Variants in STK33 observed in about 807,000 individuals in gnomAD.
The protein encoded by STK33 is serine/threonine kinase 33.
Under a neutral mutation model 58.0 loss-of-function variants are expected in STK33, and 52 were observed. That is an observed-to-expected ratio of 0.90 (90% CI 0.72 to 1.13). The LOEUF is 1.13. Ranked by LOEUF, STK33 falls within the 50% of genes most tolerant of loss-of-function variation. STK33 has a pLI of 0.00. For synonymous variants in STK33, 215 were observed against 200.1 expected, an observed-to-expected ratio of 1.07 and a Z score of -0.63; for missense variants, 630 against 604.2, an observed-to-expected ratio of 1.04 and a Z score of -0.45.
At chr11:8,389,699 T>C (rs1382364238), downstream of STK33, among the ~76,000 whole-genome samples, 2 of 152,208 alleles carry the variant, frequency 1.3e-5, no homozygotes, top group Non-Finnish European at 2.9e-5. Context: ...ACCTGGAACT[T>C]ACATTTTGGA....
At chr11:8,380,396 C>T in the STK33 span, among the ~76,000 whole-genome samples, 9,037 of 152,058 alleles carry the variant, frequency 0.059, 456 homozygotes, top group East Asian at 0.26. Context: ...CTCGTCTCTA[C>T]TAAAAATACA....
chr11:8,379,069 G>T, the STK33 span, among the ~76,000 whole-genome samples: 1 of 152,104 alleles, frequency 6.6e-6, no homozygotes, highest in Non-Finnish European at 1.5e-5. Context: ...AATAAATAGT[G>T]CTGGGAAAAC....
intron 1 of STK33, among the ~76,000 whole-genome samples, chr11:8,553,474 C>T (rs564491286): frequency 1.3e-5 from 2 of 151,770 alleles, no homozygotes; most frequent in African/African-American, 4.8e-5. Context: ...TTCTTTAGCT[C>T]CATTATAATC....
the STK33 span, among the ~76,000 whole-genome samples, chr11:8,351,997 A>G: frequency 6.6e-6 from 1 of 152,188 alleles, no homozygotes; most frequent in African/African-American, 2.4e-5. Context: ...GAGAAATACC[A>G]GCAGGGCCTG....
Position 8,474,833 on chromosome 11 carries a change from G to A in STK33, c.73C>T (p.Leu25Phe). 1.2e-6 allele frequency: 2 copies of A among 1,611,454 alleles called. No individual in the cohort carries two copies. Among genetic ancestry groups the A allele is most frequent in the Non-Finnish European group, 1.7e-6 (2 of 1,179,140 alleles). The change falls in exon 5 of 16, where the codon CTT becomes TTT. Residue 25 changes from leucine (L) to phenylalanine (F), a missense_variant. Leu to Phe is a conservative substitution (Grantham distance 22, BLOSUM62 0). Transcript: ENST00000687296. ...CTTGTTTTGCTGGAACATACACAAAGTACATCTTTCTGAGAAGCAGATGAA... is the reference window on the plus strand; with the variant it reads ...CTTGTTTTGCTGGAACATACACAAAATACATCTTTCTGAGAAGCAGATGAA... ...DCSSASQKDVLCVCSSKTRVP... is the reference protein window; with the variant it reads ...DCSSASQKDVFCVCSSKTRVP...
chr11:8,386,359 C>A, the STK33 span, among the ~76,000 whole-genome samples: 1 of 152,220 alleles, frequency 6.6e-6, no homozygotes, highest in African/African-American at 2.4e-5. Context: ...TGACTAATTT[C>A]TGTGCTGATG....
intron 1 of STK33, among the ~76,000 whole-genome samples, chr11:8,546,586 A>C: frequency 6.7e-6 from 1 of 148,750 alleles, no homozygotes; most frequent in African/African-American, 2.5e-5. Flanking sequence ...ACCTCTCTTC[A>C]TCCCCCCCAC....
chr11:8,501,520 AC>A (rs1231331090), intron 1 of STK33, among the ~76,000 whole-genome samples: 1 of 152,188 alleles, frequency 6.6e-6, no homozygotes, highest in Non-Finnish European at 1.5e-5. Flanking sequence ...ATAGTAAAAA[AC>A]AAATAAAATA....
intron 1 of STK33, among the ~76,000 whole-genome samples, chr11:8,550,249 T>G (rs1247208061): frequency 6.6e-6 from 1 of 152,186 alleles, no homozygotes; most frequent in Non-Finnish European, 1.5e-5. Context: ...AATATGTAAT[T>G]AATAGCAATA....
At chr11:8,574,704 T>C (rs573321338) in intron 1 of STK33, among the ~76,000 whole-genome samples, 2 of 151,958 alleles carry the variant, frequency 1.3e-5, no homozygotes, top group South Asian at 4.2e-4. Context: ...GAAGCAAAAA[T>C]TCTTAAGAAA....
At chr11:8,491,464 T>C (rs941348812) in intron 1 of STK33, among the ~76,000 whole-genome samples, 4 of 152,086 alleles carry the variant, frequency 2.6e-5, no homozygotes, top group East Asian at 1.9e-4. Flanking sequence ...AAATCTACGT[T>C]TGATTGGTGA....
intron 1 of STK33, among the ~76,000 whole-genome samples, chr11:8,511,824 C>A (rs1952350178): frequency 6.6e-6 from 1 of 152,006 alleles, no homozygotes; most frequent in Admixed American, 6.6e-5. Flanking sequence ...AGTATGAAAC[C>A]CACTTGATCT....
At chr11:8,424,035 T>C (rs1288097999) in intron 14 of STK33, among the ~76,000 whole-genome samples, 1 of 151,872 alleles carries the variant, frequency 6.6e-6, no homozygotes, top group African/African-American at 2.4e-5. Context: ...ATGTGCACAT[T>C]GTGCAGGTTT....
chr11:8,581,459 T>A (rs908483690), intron 1 of STK33, among the ~76,000 whole-genome samples: 1 of 152,026 alleles, frequency 6.6e-6, no homozygotes, highest in Non-Finnish European at 1.5e-5. Context: ...TAAGCCTGAG[T>A]GAGAGAGTCA....
At chr11:8,351,959 G>C in the STK33 span, among the ~76,000 whole-genome samples, 4 of 152,350 alleles carry the variant, frequency 2.6e-5, no homozygotes, top group African/African-American at 9.6e-5. Flanking sequence ...CTCACGGTCG[G>C]AGGACTGAGA....
At position 8,480,453 on chromosome 11, in the gene STK33, G is replaced by GACCAA. The variant is rs1280064003; in HGVS notation, c.-309_-305dup. 1 of 152,172 alleles carries GACCAA rather than the reference G, an allele frequency of 6.6e-6. No individual in the cohort carries two copies. Among genetic ancestry groups the GACCAA allele is most frequent in the Non-Finnish European group, 1.5e-5 (1 of 68,116 alleles). The allele number at this position is 152,172 out of a possible 1,614,324, so 9.4% of individuals were successfully genotyped here. ...AATATTATAATGGGGATCCAGATCA[G>GACCAA]ACCAAACCAGTTACAGCCCTAAAAT... On this transcript the variant is annotated 5_prime_UTR_variant, in exon 2 of 16. It removes the in-frame stop codon of an upstream open reading frame in the 5' UTR. Coordinates refer to ENST00000687296, the MANE Select transcript of STK33 (RefSeq NM_001352389.2).
At chr11:8,524,084 A>C (rs1953813090) in intron 1 of STK33, among the ~76,000 whole-genome samples, 1 of 152,222 alleles carries the variant, frequency 6.6e-6, no homozygotes. Flanking sequence ...GGGCGGTGCA[A>C]GATGTGCTTT....
chr11:8,335,227 CG>C, the STK33 span, among the ~76,000 whole-genome samples: 1 of 152,186 alleles, frequency 6.6e-6, no homozygotes, highest in African/African-American at 2.4e-5. Flanking sequence ...TGATCGCTAG[CG>C]GGGTCCCCAG....
chr11:8,510,901 T>A (rs572228602), intron 1 of STK33, among the ~76,000 whole-genome samples: 1 of 152,302 alleles, frequency 6.6e-6, no homozygotes, highest in South Asian at 2.1e-4. Context: ...CTTTGGTAAC[T>A]ATAGCCTTGC....
Sources: gnomAD v4.1 joint callset for allele counts (sites outside exome capture counted in the v4.1 genomes callset) on GRCh38, gnomAD v4.1.1 for gene constraint, MANE v1.5 for transcripts, NCBI Gene and HGNC (gene_info 2026-07-23, HGNC 2026-07-21) for gene names.